EPM2A: variants seen among roughly 807,000 people sequenced by gnomAD.
EPM2A encodes the protein EPM2A glucan phosphatase, laforin.
EPM2A carries 21 observed loss-of-function variants against 26.5 expected under a neutral mutation model. The observed-to-expected ratio is 0.79, with a 90% CI of 0.56 to 1.14. The LOEUF is 1.14. EPM2A is among the 50% of genes most tolerant of loss of function. The probability of loss-of-function intolerance (pLI) is 0.00; values close to 1 mark genes in which losing one functional copy is unlikely to be tolerated. For missense variants in EPM2A, 458 were observed against 440.8 expected (o/e 1.04, Z -0.35); for synonymous variants, 217 against 177.6 (o/e 1.22, Z -1.76).
chr6:145,687,144 T>C (rs1407817903), intron 1 of EPM2A, among the ~76,000 whole-genome samples: 1 of 152,132 alleles, frequency 6.6e-6, no homozygotes, highest in African/African-American at 2.4e-5. Context: ...ACCCAAGGTG[T>C]TGGTATTAGA....
chr6:145,652,347 G>A (rs578097870), intron 2 of EPM2A, among the ~76,000 whole-genome samples: 1 of 152,128 alleles, frequency 6.6e-6, no homozygotes, highest in East Asian at 1.9e-4. Flanking sequence ...TGTTGTTAAT[G>A]GGATTCTAAT....
intron 4 of EPM2A, among the ~76,000 whole-genome samples, chr6:145,480,262 A>G (rs905167338): frequency 7.2e-5 from 11 of 152,034 alleles, no homozygotes; most frequent in Non-Finnish European, 1.3e-4. Flanking sequence ...ACTTTCAGTC[A>G]TGGTGGAAGA....
chr6:145,489,803 C>T (rs540561526), intron 4 of EPM2A: 40 of 1,433,058 alleles, frequency 2.8e-5, no homozygotes, highest in South Asian at 2.3e-4. Context: ...TCTGGGGTCA[C>T]GTGGTCCAAG....
intron 4 of EPM2A, among the ~76,000 whole-genome samples, chr6:145,388,224 TC>T (rs1312817897): frequency 1.3e-5 from 2 of 152,172 alleles, no homozygotes; most frequent in Non-Finnish European, 2.9e-5. Context: ...TCAAAGATTC[TC>T]CACTTCACTA....
chr6:145,708,247 G>A (rs1782337277), intron 1 of EPM2A, among the ~76,000 whole-genome samples: 2 of 152,172 alleles, frequency 1.3e-5, no homozygotes, highest in African/African-American at 2.4e-5. Context: ...CATTTTCTGG[G>A]GAAAAAATCC....
chr6:145,508,599 A>G (rs569186433), intron 2 of EPM2A, among the ~76,000 whole-genome samples: 1 of 152,172 alleles, frequency 6.6e-6, no homozygotes, highest in Non-Finnish European at 1.5e-5. Flanking sequence ...CCCCATCAAA[A>G]CAATAGCAAA....
chr6:145,567,067 T>TACA (rs1780893501), intron 2 of EPM2A, among the ~76,000 whole-genome samples: 2 of 152,192 alleles, frequency 1.3e-5, no homozygotes, highest in Non-Finnish European at 2.9e-5. Context: ...CCCCATCCTA[T>TACA]TGAGTCTCCC....
intron 4 of EPM2A, among the ~76,000 whole-genome samples, chr6:145,415,529 T>C (rs2114678655): frequency 6.6e-6 from 1 of 152,308 alleles, no homozygotes; most frequent in Non-Finnish European, 1.5e-5. Context: ...GTGCCTGACA[T>C]TTTGCTTCTA....
intron 4 of EPM2A, among the ~76,000 whole-genome samples, chr6:145,464,724 T>A (rs1360863187): frequency 1.3e-5 from 2 of 152,144 alleles, no homozygotes; most frequent in Non-Finnish European, 2.9e-5. Flanking sequence ...TTATCATAAT[T>A]TTATCATTTG....
intron 1 of EPM2A, among the ~76,000 whole-genome samples, chr6:145,710,606 C>T (rs188582516): frequency 6.6e-6 from 1 of 152,124 alleles, no homozygotes. Flanking sequence ...TTTGACCCAG[C>T]CCTCCCATTA....
At chr6:145,545,761 C>T (rs1780574549) in intron 2 of EPM2A, among the ~76,000 whole-genome samples, 1 of 152,078 alleles carries the variant, frequency 6.6e-6, no homozygotes. Flanking sequence ...GATCTTTCTC[C>T]TCTACTTCCC....
chr6:145,475,815 G>A (rs1332678341), intron 4 of EPM2A, among the ~76,000 whole-genome samples: 3 of 151,522 alleles, frequency 2.0e-5, no homozygotes, highest in Admixed American at 1.3e-4. Context: ...CACACAAAAA[G>A]GAAGAAACTA....
chr6:145,470,791 G>T (rs1779463467), intron 4 of EPM2A, among the ~76,000 whole-genome samples: 1 of 152,122 alleles, frequency 6.6e-6, no homozygotes, highest in South Asian at 2.1e-4. Flanking sequence ...AGCATAGGTA[G>T]TTGTTGAATT....
chr6:145,625,614 A>G lies in EPM2A; in HGVS notation c.*1802T>C, dbSNP rs1406166674. The G allele has an allele frequency of 1.7e-5, 12 of 717,680 alleles. No individual in the cohort carries two copies. The highest frequency in any genetic ancestry group is 4.6e-4 in the Middle Eastern group (2 of 4,380). 44.5% of individuals were successfully genotyped at this position (717,680 alleles called of 1,614,324 possible). On this transcript the variant is annotated 3_prime_UTR_variant, in exon 4 of 4. Coordinates refer to ENST00000367519, the MANE Select transcript of EPM2A (RefSeq NM_005670.4). ...CTGTAAATGAGTTACCTGAATACCAATTATTACCTCTAGTTATTTTTAGCA... is the reference window on the plus strand; with the variant it reads ...CTGTAAATGAGTTACCTGAATACCAGTTATTACCTCTAGTTATTTTTAGCA...
intron 4 of EPM2A, among the ~76,000 whole-genome samples, chr6:145,419,167 A>T (rs1778747262): frequency 7.3e-6 from 1 of 137,594 alleles, no homozygotes; most frequent in Non-Finnish European, 1.5e-5. Flanking sequence ...GCCCAAGCAA[A>T]TTCTGTTAAA....
chr6:145,478,909 G>T (rs1167165994), intron 4 of EPM2A, among the ~76,000 whole-genome samples: 1 of 151,524 alleles, frequency 6.6e-6, no homozygotes, highest in African/African-American at 2.4e-5. Context: ...CTTGATTTGT[G>T]GTCAGTTTCT....
chr6:145,533,105 A>T (rs7757256), intron 2 of EPM2A, among the ~76,000 whole-genome samples: 1,697 of 152,198 alleles, frequency 0.011, 26 homozygotes, highest in African/African-American at 0.039. Flanking sequence ...AACCTCCCCC[A>T]ACAAAACAAA....
At chr6:145,514,791 C>T (rs1193776358) in intron 2 of EPM2A, among the ~76,000 whole-genome samples, 2 of 152,148 alleles carry the variant, frequency 1.3e-5, no homozygotes, top group South Asian at 2.1e-4. Flanking sequence ...GAATAATTTG[C>T]TCCAAAATTA....
At chr6:145,643,261 T>C (rs901727633) in intron 2 of EPM2A, among the ~76,000 whole-genome samples, 4 of 152,222 alleles carry the variant, frequency 2.6e-5, no homozygotes, top group African/African-American at 9.6e-5. Context: ...TTCTTTACTA[T>C]ATATTTTTAC....
Sources: allele counts gnomAD v4.1 joint callset (sites outside exome capture counted in the v4.1 genomes callset), GRCh38; gene constraint gnomAD v4.1.1; transcripts MANE v1.5; gene names NCBI Gene and HGNC (gene_info 2026-07-23, HGNC 2026-07-21).